The following ANAPC1 variants were observed in gnomAD, a reference collection of about 807,000 sequenced individuals.
ANAPC1 encodes anaphase promoting complex subunit 1, also known as anaphase-promoting complex subunit 1.
Under a neutral mutation model 208.0 loss-of-function variants are expected in ANAPC1, and 36 were observed. That is an observed-to-expected ratio of 0.17 (90% confidence interval 0.13 to 0.23). The LOEUF (loss-of-function observed/expected upper bound fraction) is 0.23, where lower values mean the gene tolerates loss of function less well. Ranked by LOEUF, ANAPC1 falls within the 10% of genes least tolerant of loss-of-function variation. ANAPC1 has a pLI of 1.00. For missense variants in ANAPC1, 942 were observed against 2,011.6 expected (o/e 0.47, Z 10.17); for synonymous variants, 378 against 695.2 (o/e 0.54, Z 7.18).
chr2:111,784,530 CCT>C (rs1677456604), intron 40 of ANAPC1, 130 bp from the exon 41 acceptor site: 1 of 1,222,168 alleles, frequency 8.2e-7, no homozygotes, highest in African/African-American at 1.5e-5. Flanking sequence ...GGTATAAAAT[CCT>C]CTCTGGTACT....
intron 6 of ANAPC1, 150 bp from the exon 7 acceptor site, chr2:111,868,246 T>C: frequency 1.9e-6 from 1 of 517,524 alleles, no homozygotes; most frequent in South Asian, 3.9e-5. Flanking sequence ...GTACATACTA[T>C]TTTTCACATT....
At chr2:111,844,328 C>A (rs547340101) in intron 16 of ANAPC1, among the ~76,000 whole-genome samples, 4 of 151,536 alleles carry the variant, frequency 2.6e-5, no homozygotes, top group Admixed American at 2.6e-4. Flanking sequence ...AAGCACTTTG[C>A]GAGGTCAAGG....
At chr2:111,847,440 C>T (rs1188010100) in intron 15 of ANAPC1, among the ~76,000 whole-genome samples, 1 of 152,190 alleles carries the variant, frequency 6.6e-6, no homozygotes, top group South Asian at 2.1e-4. Flanking sequence ...TCACCATCAT[C>T]AAAAGGACAT....
intron 8 of ANAPC1, 24 bp downstream of exon 8, chr2:111,864,782 G>C (rs779402110): frequency 4.5e-4 from 717 of 1,609,996 alleles, no homozygotes; most frequent in Non-Finnish European, 5.5e-4. Flanking sequence ...CTATTAAGGA[G>C]AAGTGACTTG....
chr2:111,770,556 C>T (rs893295475), intron 47 of ANAPC1, among the ~76,000 whole-genome samples: 26 of 150,324 alleles, frequency 1.7e-4, no homozygotes, highest in Non-Finnish European at 3.4e-4. Context: ...TTATTCCAAC[C>T]CCATGCATGT....
intron 39 of ANAPC1, among the ~76,000 whole-genome samples, chr2:111,787,761 C>G: frequency 6.7e-6 from 1 of 149,636 alleles, no homozygotes. Context: ...TGGTTTTTTG[C>G]TGTATTTTGC....
At chr2:111,853,153 A>T (rs1287372577) in intron 13 of ANAPC1, among the ~76,000 whole-genome samples, 1 of 152,014 alleles carries the variant, frequency 6.6e-6, no homozygotes, top group Non-Finnish European at 1.5e-5. Context: ...TTCCCACTTT[A>T]TAGAGACTCC....
intron 34 of ANAPC1, among the ~76,000 whole-genome samples, chr2:111,800,436 G>A (rs1404654133): frequency 7.4e-6 from 1 of 134,562 alleles, no homozygotes; most frequent in African/African-American, 2.9e-5. Flanking sequence ...ATCTAAAATT[G>A]TCACGAAGTA....
At chr2:111,842,553 A>C (rs908903749) in intron 17 of ANAPC1, among the ~76,000 whole-genome samples, 1 of 151,886 alleles carries the variant, frequency 6.6e-6, no homozygotes, top group African/African-American at 2.4e-5. Flanking sequence ...TGAGGCAGGA[A>C]AATGGCGTGA....
intron 21 of ANAPC1, among the ~76,000 whole-genome samples, chr2:111,827,605 A>G (rs1345915559): frequency 6.6e-6 from 1 of 152,078 alleles, no homozygotes; most frequent in Non-Finnish European, 1.5e-5. Context: ...AAATACAAAA[A>G]TTAGCCGGGT....
chr2:111,819,174 G>A, intron 26 of ANAPC1: 1 of 981,454 alleles, frequency 1.0e-6, no homozygotes. Flanking sequence ...TATTTCCTCT[G>A]TTTTGTTTCA....
chr2:111,822,371 TTTTA>T (rs1679583475), intron 25 of ANAPC1, 47 bp downstream of exon 25: 1 of 385,376 alleles, frequency 2.6e-6, no homozygotes, highest in Admixed American at 4.5e-5. Context: ...TACTTTATGA[TTTTA>T]TTTAAGGCTA....
In ANAPC1 at chr2:111,847,217, G is replaced by T; in HGVS notation, c.1792-19C>A. The T allele has an allele frequency of 6.3e-7, 1 of 1,597,150 alleles. No individual in the cohort carries two copies. ...TCAGTTCCTAGATGGAAACAAATGA[G>T]AAAGTAGATAAAATCTGTGCATTCT... On this transcript the variant is annotated intron_variant, in intron 15 of 47. Transcript: ENST00000341068.
At chr2:111,867,827 T>G (rs781710139) in intron 7 of ANAPC1, among the ~76,000 whole-genome samples, 196 bp downstream of exon 7, 10 of 152,196 alleles carry the variant, frequency 6.6e-5, no homozygotes, top group Non-Finnish European at 1.3e-4. Flanking sequence ...CTCACTGATT[T>G]ATATGCCTTA....
intron 3 of ANAPC1, 35 bp downstream of exon 3, chr2:111,878,775 T>C (rs1195881626): frequency 1.3e-6 from 2 of 1,597,658 alleles, no homozygotes; most frequent in African/African-American, 1.4e-5. Flanking sequence ...TTGCATTAAA[T>C]AGTGAATCAA....
At chr2:111,813,781 TTAGA>T (rs1302117782) in intron 28 of ANAPC1, among the ~76,000 whole-genome samples, 2 of 151,290 alleles carry the variant, frequency 1.3e-5, no homozygotes, top group Non-Finnish European at 3.0e-5. Flanking sequence ...CTTTGTTAAC[TTAGA>T]TACCTGAAGG....
At chr2:111,777,229 G>A (rs1288427452) in intron 45 of ANAPC1, among the ~76,000 whole-genome samples, 172 bp from the exon 46 acceptor site, 1 of 152,158 alleles carries the variant, frequency 6.6e-6, no homozygotes, top group Non-Finnish European at 1.5e-5. Context: ...ACTGGGTACA[G>A]GTGCATGGCT....
chr2:111,855,495 G>A (rs962929285), intron 13 of ANAPC1, among the ~76,000 whole-genome samples: 32 of 152,258 alleles, frequency 2.1e-4, no homozygotes, highest in African/African-American at 7.2e-4. Context: ...AATGAGGTAC[G>A]ATGGAATACT....
intron 3 of ANAPC1, among the ~76,000 whole-genome samples, 169 bp from the exon 4 acceptor site, chr2:111,873,833 TA>T (rs941114081): frequency 2.0e-5 from 3 of 151,872 alleles, no homozygotes; most frequent in Non-Finnish European, 2.9e-5. Context: ...ATTAGAGTAA[TA>T]AATGATAAAT....
Sources: allele counts gnomAD v4.1 joint callset (sites outside exome capture counted in the v4.1 genomes callset), GRCh38; gene constraint gnomAD v4.1.1; transcripts MANE v1.5; gene names NCBI Gene and HGNC (gene_info 2026-07-23, HGNC 2026-07-21).